The following INTS1 variants were observed in gnomAD, a reference collection of about 807,000 sequenced individuals.
INTS1 encodes integrator complex subunit 1.
Under a neutral mutation model 241.6 loss-of-function variants are expected in INTS1, and 137 were observed. The ratio of observed to expected loss-of-function variants is 0.57; its 90% confidence interval spans 0.49 to 0.65. INTS1 has a LOEUF of 0.65. Among genes scored for constraint, INTS1 ranks in the 30% least tolerant of loss-of-function variants. The pLI is 0.00. For missense variants in INTS1, 3,073 were observed against 3,032.2 expected, an observed-to-expected ratio of 1.01 and a Z score of -0.32; for synonymous variants, 1,692 against 1,337.8, an observed-to-expected ratio of 1.26 and a Z score of -5.78.
Position 1,476,002 on chromosome 7 carries a change from G to A in INTS1, c.5448C>T (p.Pro1816=), listed in dbSNP as rs745594148. 9.6e-5 allele frequency: 148 copies of A among 1,545,690 alleles called. No individual in the cohort carries two copies. Among genetic ancestry groups the A allele is most frequent in the Middle Eastern group, 5.3e-4 (3 of 5,624 alleles). ...LYLQRPELRV[P]VPEVLLHSEG... ...CGCTGTGCAGTAGGACCTCAGGCAC[G>A]GGCACCCGCAGCTCCGGCCGCTGTA... The change falls in exon 39 of 48, where the codon CCC becomes CCT. Residue 1816 remains proline (P), a synonymous_variant. Coordinates refer to ENST00000404767, the MANE Select transcript of INTS1 (RefSeq NM_001080453.3).
chr7:1,495,513 G>A lies in INTS1; in HGVS notation c.1752C>T (p.Ala584=). 1 of 1,612,600 alleles carries A rather than the reference G, an allele frequency of 6.2e-7. No homozygotes were observed. The highest frequency in any genetic ancestry group is 8.5e-7 in the Non-Finnish European group (1 of 1,179,678). The change falls in exon 13 of 48, where the codon GCC becomes GCT. Residue 584 remains alanine (A), a synonymous_variant. Transcript: ENST00000404767. ...VLRSFQNQIA[A]IQRDAVWWLH... ...GCCACCAGACGGCATCCCGCTGGAT[G>A]GCGGCAATCTGGTTCTGGAATGAGC... is the stretch of plus-strand genomic sequence containing the variant.
chr7:1,471,977 G>A (rs886390917), intron 44 of INTS1, among the ~76,000 whole-genome samples: 3 of 152,050 alleles, frequency 2.0e-5, no homozygotes, highest in African/African-American at 2.4e-5. Flanking sequence ...CTGCCCACCC[G>A]CTGGTCTTGC....
chr7:1,471,816 C>G (rs561486410), intron 44 of INTS1, 175 bp from the exon 45 acceptor site: 2 of 624,256 alleles, frequency 3.2e-6, no homozygotes, highest in Non-Finnish European at 5.7e-6. Context: ...CACAAATACC[C>G]GGCCCTGCCC....
In INTS1 at chr7:1,504,011, A is replaced by G; in HGVS notation, c.-41-10T>C. 7.2e-7 allele frequency: 1 copy of G among 1,380,482 alleles called. No homozygotes were observed. 85.5% of individuals were successfully genotyped at this position (1,380,482 alleles called of 1,614,324 possible). A position where few individuals can be genotyped will look rare whatever the true frequency, so the allele number is the denominator to read the frequency against. ...GCGGCTGCGGCGTCACCTGCGGAGG[A>G]GCCAGCGTGCGGTCATTCCTTCACT... is the stretch of plus-strand genomic sequence containing the variant. On this transcript the variant is annotated splice_polypyrimidine_tract_variant and intron_variant, in intron 1 of 47. Transcript: ENST00000404767.
In INTS1 at chr7:1,472,343, C is replaced by A. The variant is rs1781512101; in HGVS notation, c.6114G>T (p.Leu2038=). The change falls in exon 44 of 48, where the codon CTG becomes CTT. Residue 2038 remains leucine (L), a synonymous_variant. Transcript: ENST00000404767. ...AGSLPLVSVS[L]FTPLTAAEMA... The stretch of plus-strand genomic sequence containing the variant: ...TCTCGGCCGCGGTCAGAGGGGTGAA[C>A]AGGGAGACGCTGACCAGGGGCAAGG... 3 of 1,573,652 alleles carry A rather than the reference C, an allele frequency of 1.9e-6. No homozygotes were observed. Among genetic ancestry groups the A allele is most frequent in the Non-Finnish European group, 2.6e-6 (3 of 1,160,320 alleles).
intron 16 of INTS1, 141 bp downstream of exon 16, chr7:1,492,869 C>A (rs1423080625): frequency 1.9e-6 from 1 of 532,932 alleles, no homozygotes; most frequent in Admixed American, 3.5e-5. Context: ...GGGGCGCGGG[C>A]TTACCCGGGC....
chr7:1,490,457 C>T (rs935734152), intron 16 of INTS1, among the ~76,000 whole-genome samples: 7 of 152,168 alleles, frequency 4.6e-5, no homozygotes, highest in Admixed American at 3.9e-4. Flanking sequence ...AAACGGACAC[C>T]ACTGAAAGGG....
intron 18 of INTS1, among the ~76,000 whole-genome samples, chr7:1,488,778 C>T (rs114737835): frequency 0.012 from 1,858 of 152,310 alleles, 37 homozygotes; most frequent in African/African-American, 0.041. Context: ...CATCGGCCCT[C>T]GCCCACACTG....
At chr7:1,484,597 TG>T (rs1782157687) in intron 24 of INTS1, among the ~76,000 whole-genome samples, 2 of 152,100 alleles carry the variant, frequency 1.3e-5, no homozygotes, top group South Asian at 4.1e-4. Flanking sequence ...GCCACACATG[TG>T]AGCTAGAGAT....
In INTS1 at chr7:1,497,096, C is replaced by A; in HGVS notation, c.1602+42G>T. 1.3e-6 allele frequency: 2 copies of A among 1,552,630 alleles called. No individual in the cohort carries two copies. The highest frequency in any genetic ancestry group is 1.7e-6 in the Non-Finnish European group (2 of 1,152,810). ...ACGAGGGGGATGGCGGCGCGTGGAA[C>A]CCGCAGTGAGGGAAAGGCGCCCCAG... On this transcript the variant is annotated intron_variant, in intron 11 of 47. Transcript: ENST00000404767. The surrounding 1 kb of genome is among the most constrained non-coding windows in gnomAD (Gnocchi z 5.3).
chr7:1,503,926 G>C lies in INTS1; in HGVS notation c.35C>G (p.Pro12Arg). Reference protein sequence around the residue: ...NRAKPTTVRRPSAAAKPSGHP... With the variant: ...NRAKPTTVRRRSAAAKPSGHP... ...ACCTGAGGGTTTGGCCGCGGCGCTG[G>C]GCCGGCGCACCGTGGTGGGCTTGGC... Residue 12 changes from proline to arginine, a missense_variant, in exon 2 of 48, where the codon CCC becomes CGC. Coordinates refer to ENST00000404767, the MANE Select transcript of INTS1 (RefSeq NM_001080453.3). 1.9e-6 allele frequency: 3 copies of C among 1,571,528 alleles called. No individual in the cohort carries two copies. The highest frequency in any genetic ancestry group is 2.6e-6 in the Non-Finnish European group (3 of 1,159,680).
At position 1,500,237 on chromosome 7, in the gene INTS1, A is replaced by T; in HGVS notation, c.479T>A (p.Leu160His). Residue 160 changes from leucine to histidine, a missense_variant, in exon 4 of 48, where the codon CTC (leucine) becomes CAC (histidine). By Grantham distance (99) the Leu-to-His change is moderately conservative (BLOSUM62 -3). Coordinates refer to ENST00000404767, the MANE Select transcript of INTS1 (RefSeq NM_001080453.3). ...KVTRAKPDSTLYLSLMYLAKI... is the reference protein window; with the variant it reads ...KVTRAKPDSTHYLSLMYLAKI... ...GGCCAGGTACATGAGGCTCAGGTAG[A>T]GGGTGCTGTCAGGCTTGGCGCGGGT... is the stretch of plus-strand genomic sequence containing the variant. The T allele has an allele frequency of 6.2e-7, 1 of 1,605,800 alleles. No individual in the cohort carries two copies. The highest frequency in any genetic ancestry group is 8.5e-7 in the Non-Finnish European group (1 of 1,175,588).
Position 1,500,161 on chromosome 7 carries a change from G to A in INTS1, c.546+9C>T, listed in dbSNP as rs369922086. The A allele has an allele frequency of 2.1e-4, 329 of 1,582,692 alleles. No individual in the cohort carries two copies. The highest frequency in any genetic ancestry group is 2.5e-4 in the Non-Finnish European group (285 of 1,158,680). ...GCTGCTCGCCTCCTGCCAGGGGCCC[G>A]GCTCAAACCTCAATGACGCCCTCAG... On this transcript the variant is annotated intron_variant, in intron 4 of 47. Transcript: ENST00000404767.
Position 1,481,252 on chromosome 7 carries a change from C to T in INTS1, c.3850+90G>A. On this transcript the variant is annotated intron_variant, in intron 28 of 47. Transcript: ENST00000404767. This position sits in a 1 kb window ranked among gnomAD's most constrained non-coding sequence, Gnocchi z 6.8. ...CACACCCACCCGACCTCGGATCACC[C>T]ACCCGCTCGCACCCAGGCCCCAAAA... The T allele has an allele frequency of 6.8e-7, 1 of 1,472,438 alleles. No homozygotes were observed. The highest frequency in any genetic ancestry group is 9.4e-7 in the Non-Finnish European group (1 of 1,067,752). 91.2% of individuals were successfully genotyped at this position (1,472,438 alleles called of 1,614,324 possible).
rs767663074 is a variant in INTS1 at position 1,487,005 on chromosome 7, G to C, written c.2743C>G (p.Leu915Val). The C allele has an allele frequency of 6.2e-7, 1 of 1,605,678 alleles. No homozygotes were observed. The highest frequency in any genetic ancestry group is 8.5e-7 in the Non-Finnish European group (1 of 1,178,382). The change falls in exon 21 of 48, where the codon CTG becomes GTG. Residue 915 changes from leucine to valine, a missense_variant. Transcript: ENST00000404767. ...GCAGCATCGTCCACAGCATCGTGCA[G>C]CAGGAACTCGCACAGACACTGCACG... ...LPVQCLCEFLLHDAVDDAASG... is the reference protein window; with the variant it reads ...LPVQCLCEFLVHDAVDDAASG...
Position 1,499,993 on chromosome 7 carries a change from G to C in INTS1, c.575C>G (p.Ala192Gly). Reference protein sequence around the residue: ...EALCSLLRRDASINFKAKGNS... With the variant: ...EALCSLLRRDGSINFKAKGNS... Reference sequence around the variant, plus strand: ...CCCCTTGGCCTTGAAGTTGATGGAGGCGTCCCGCCGCAGGAGGCTACACAG... The same window carrying C: ...CCCCTTGGCCTTGAAGTTGATGGAGCCGTCCCGCCGCAGGAGGCTACACAG... Residue 192 changes from alanine (A) to glycine (G), a missense_variant, in exon 5 of 48, where the codon GCC becomes GGC. Physicochemically the swap from Ala to Gly is moderately conservative, Grantham distance 60. Coordinates refer to ENST00000404767, the MANE Select transcript of INTS1 (RefSeq NM_001080453.3). 1 of 1,613,368 alleles carries C rather than the reference G, an allele frequency of 6.2e-7. No homozygotes were observed. The highest frequency in any genetic ancestry group is 1.1e-5 in the South Asian group (1 of 91,088).
At chr7:1,487,585 C>A in intron 19 of INTS1, 136 bp from the exon 20 acceptor site, 1 of 1,303,620 alleles carries the variant, frequency 7.7e-7, no homozygotes, top group East Asian at 2.5e-5. Flanking sequence ...GGGATGTCCC[C>A]AAGGCCTGGC....
chr7:1,498,862 C>G lies in INTS1; in HGVS notation c.1138-10G>C. 1 of 1,594,866 alleles carries G rather than the reference C, an allele frequency of 6.3e-7. No individual in the cohort carries two copies. The highest frequency in any genetic ancestry group is 1.1e-5 in the South Asian group (1 of 87,668). On this transcript the variant is annotated splice_polypyrimidine_tract_variant and intron_variant, in intron 8 of 47. Coordinates refer to ENST00000404767, the MANE Select transcript of INTS1 (RefSeq NM_001080453.3). ...GGGCCGGCCGGGTCAGCTGCGGGGC[C>G]GAGGAGGGAGCAGTGGGCTCACGGC...
rs780986340 is a variant in INTS1 at position 1,476,862 on chromosome 7, C to G, written c.4995G>C (p.Thr1665=). 6.2e-7 allele frequency: 1 copy of G among 1,612,784 alleles called. No individual in the cohort carries two copies. The highest frequency in any genetic ancestry group is 1.1e-5 in the South Asian group (1 of 91,038). Residue 1665 remains threonine, a synonymous_variant, in exon 36 of 48, where the codon ACG becomes ACC. Coordinates refer to ENST00000404767, the MANE Select transcript of INTS1 (RefSeq NM_001080453.3). ...SFRPYLLTLF[T]HQSSWPTLHQ... ...GCAGTGTGGGCCAGCTGGACTGATG[C>G]GTGAAGAGGGTCAGGAGGTAGGGAC...
Sources: allele counts gnomAD v4.1 joint callset (sites outside exome capture counted in the v4.1 genomes callset), GRCh38; gene constraint gnomAD v4.1.1; non-coding constraint Gnocchi (gnomAD v3.1); transcripts MANE v1.5; gene names NCBI Gene and HGNC (gene_info 2026-07-23, HGNC 2026-07-21).